The following GASK1A variants were observed in gnomAD, a reference collection of about 807,000 sequenced individuals.
GASK1A encodes the protein golgi associated kinase 1A.
A neutral mutation model predicts 41.2 loss-of-function variants in GASK1A; 40 were observed. The observed-to-expected ratio is 0.97, with a 90% confidence interval of 0.75 to 1.27. The LOEUF (loss-of-function observed/expected upper bound fraction) is 1.27. Ranked by LOEUF, GASK1A falls within the 50% of genes most tolerant of loss-of-function variation. The pLI is 0.00. For missense variants in GASK1A, 678 were observed against 745.1 expected (o/e 0.91, Z 1.05); for synonymous variants, 316 against 307.1 (o/e 1.03, Z -0.30).
At chr3:43,005,690 GA>G (rs747258514) in intron 1 of GASK1A, among the ~76,000 whole-genome samples, 1 of 151,318 alleles carries the variant, frequency 6.6e-6, no homozygotes. Flanking sequence ...CTCTACTTAA[GA>G]AAAAAAAATC....
chr3:43,039,928 C>T (rs2125688993), intron 2 of GASK1A, among the ~76,000 whole-genome samples: 1 of 152,220 alleles, frequency 6.6e-6, no homozygotes, highest in African/African-American at 2.4e-5. Context: ...GAACTTAGCC[C>T]TTTGTTTTCC....
At chr3:42,996,199 A>C (rs1321262846) in intron 1 of GASK1A, among the ~76,000 whole-genome samples, 1 of 152,222 alleles carries the variant, frequency 6.6e-6, no homozygotes, top group Non-Finnish European at 1.5e-5. Context: ...GATCCCTGCC[A>C]TGGAGTTGAT....
intron 1 of GASK1A, among the ~76,000 whole-genome samples, chr3:43,018,205 G>T (rs1161784271): frequency 2.6e-5 from 4 of 152,200 alleles, no homozygotes; most frequent in Admixed American, 6.5e-5. Flanking sequence ...ATCCTTGTTT[G>T]TGAAGTGAGA....
In GASK1A at chr3:43,056,522, G is replaced by C; in HGVS notation, c.*136G>C. 1 of 737,230 alleles carries C rather than the reference G, an allele frequency of 1.4e-6. No homozygotes were observed. The highest frequency in any genetic ancestry group is 2.2e-6 in the Non-Finnish European group (1 of 463,414). 45.7% of individuals were successfully genotyped at this position (737,230 alleles called of 1,614,324 possible). The stretch of plus-strand genomic sequence containing the variant: ...TGTCACGGGATATTTCACCTGCCTG[G>C]GATGGTGGAGGTAGTATGGGGTTTT... On this transcript the variant is annotated 3_prime_UTR_variant, in exon 5 of 5. Transcript: ENST00000430121.
chr3:42,984,984 C>T lies in GASK1A; in HGVS notation c.3+5339C>T, dbSNP rs756437012. 2.0e-5 allele frequency among the ~76,000 whole-genome samples: 3 copies of T among 151,994 alleles called. No individual in the cohort carries two copies. The highest frequency in any genetic ancestry group is 4.4e-5 in the Non-Finnish European group (3 of 68,014). On this transcript the variant is annotated intron_variant, in intron 1 of 4. Coordinates refer to ENST00000430121, the MANE Select transcript of GASK1A (RefSeq NM_001129908.3). This position sits in a 1 kb window ranked among gnomAD's most constrained non-coding sequence, Gnocchi z 4.2. The stretch of plus-strand genomic sequence containing the variant: ...AGGTTGTAAATTGACTGTTATCTCT[C>T]GAGGCAAGCTCCTGGTGGAAGGTAG...
At chr3:43,016,999 G>T (rs149789936) in intron 1 of GASK1A, among the ~76,000 whole-genome samples, 5 of 151,536 alleles carry the variant, frequency 3.3e-5, no homozygotes, top group Middle Eastern at 3.5e-3. Context: ...CACTGGAAGG[G>T]GCTGTTAGGT....
chr3:43,034,508 C>T (rs2125687407), intron 2 of GASK1A, among the ~76,000 whole-genome samples: 2 of 152,268 alleles, frequency 1.3e-5, no homozygotes, highest in South Asian at 4.1e-4. Flanking sequence ...CAGACAGAAA[C>T]AAAGACAAAA....
chr3:42,988,895 C>T (rs1247051561), intron 1 of GASK1A, among the ~76,000 whole-genome samples: 1 of 152,240 alleles, frequency 6.6e-6, no homozygotes, highest in Non-Finnish European at 1.5e-5. Flanking sequence ...GCCAGTCTTG[C>T]TTCTAGCCAG....
At chr3:43,024,508 T>A (rs888121326) in intron 1 of GASK1A, among the ~76,000 whole-genome samples, 3 of 152,204 alleles carry the variant, frequency 2.0e-5, no homozygotes, top group African/African-American at 7.2e-5. Context: ...GCAGGTGCAG[T>A]GTTTGCTTGA....
chr3:43,006,617 T>A (rs2089436933), intron 1 of GASK1A, among the ~76,000 whole-genome samples: 1 of 152,228 alleles, frequency 6.6e-6, no homozygotes, highest in Admixed American at 6.5e-5. Context: ...TCCCTTTCTC[T>A]CTGGAAACTT....
intron 1 of GASK1A, among the ~76,000 whole-genome samples, chr3:43,000,300 A>T (rs1485310193): frequency 1.3e-5 from 2 of 152,266 alleles, no homozygotes; most frequent in Non-Finnish European, 2.9e-5. Context: ...TAGATATTTA[A>T]CAAGTAACTG....
intron 1 of GASK1A, among the ~76,000 whole-genome samples, chr3:43,024,587 G>A (rs1264768615): frequency 1.3e-5 from 2 of 152,170 alleles, no homozygotes; most frequent in Non-Finnish European, 2.9e-5. Flanking sequence ...TAGTGGGTGG[G>A]GGTGGCTGGC....
intron 2 of GASK1A, among the ~76,000 whole-genome samples, chr3:43,035,313 C>T (rs2089599183): frequency 6.6e-6 from 1 of 152,182 alleles, no homozygotes; most frequent in Non-Finnish European, 1.5e-5. Context: ...AATGAGTACC[C>T]TCCAGGTAGT....
intron 1 of GASK1A, among the ~76,000 whole-genome samples, chr3:43,020,618 A>G (rs2089516551): frequency 6.6e-6 from 1 of 152,378 alleles, no homozygotes; most frequent in South Asian, 2.1e-4. Context: ...ATAATGTTGC[A>G]TAACAAATAG....
intron 1 of GASK1A, among the ~76,000 whole-genome samples, chr3:43,000,729 A>G (rs1240381541): frequency 6.6e-6 from 1 of 152,212 alleles, no homozygotes; most frequent in East Asian, 1.9e-4. Flanking sequence ...TTCTCACTTT[A>G]GTTGTTGTAG....
chr3:43,033,066 T>A lies in GASK1A; in HGVS notation c.803T>A (p.Met268Lys). 2 of 1,551,700 alleles carry A rather than the reference T, an allele frequency of 1.3e-6. No homozygotes were observed. The highest frequency in any genetic ancestry group is 2.4e-5 in the South Asian group (2 of 84,066). ...PPWLTDHDVQ[M>K]LRLLAQGEVV... ...TGGCTGACAGACCACGATGTGCAGA[T>A]GCTCCGTCTGTTGGCACAGGGGGAG... The change falls in exon 2 of 5, where the codon ATG becomes AAG. Residue 268 changes from methionine to lysine, a missense_variant. Coordinates refer to ENST00000430121, the MANE Select transcript of GASK1A (RefSeq NM_001129908.3).
At chr3:43,053,972 C>A in intron 3 of GASK1A, 1 of 391,506 alleles carries the variant, frequency 2.6e-6, no homozygotes, top group Non-Finnish European at 4.9e-6. Context: ...TAGTCAACAT[C>A]CTCGTTGTGC....
At position 43,053,628 on chromosome 3, in the gene GASK1A, G is replaced by A; in HGVS notation, c.1398G>A (p.Arg466=). The change falls in exon 3 of 5, where the codon CGG becomes CGA. Residue 466 remains arginine, a synonymous_variant. Transcript: ENST00000430121. ...AATGCCAGAACCCAGCCGAGCTGCG[G>A]CTGGTCCACATCCTGGTACGTCTCC... ...REKCQNPAEL[R]LVHILVRSSD... is the part of the protein sequence containing the mutation. 1 of 1,551,728 alleles carries A rather than the reference G, an allele frequency of 6.4e-7. No individual in the cohort carries two copies. Among genetic ancestry groups the A allele is most frequent in the East Asian group, 2.4e-5 (1 of 40,916 alleles).
intron 1 of GASK1A, among the ~76,000 whole-genome samples, chr3:43,008,682 A>G (rs1037398191): frequency 3.3e-5 from 5 of 152,212 alleles, no homozygotes; most frequent in Admixed American, 1.3e-4. Context: ...CGCCCTCACC[A>G]GGACTCTACA....
Sources: gnomAD v4.1 joint callset for allele counts (sites outside exome capture counted in the v4.1 genomes callset) on GRCh38, gnomAD v4.1.1 for gene constraint, Gnocchi (gnomAD v3.1) non-coding constraint, MANE v1.5 for transcripts, NCBI Gene and HGNC (gene_info 2026-07-23, HGNC 2026-07-21) for gene names.